The following KCNC4 variants were observed in gnomAD, a reference collection of about 807,000 sequenced individuals.
The protein encoded by KCNC4 is potassium voltage-gated channel subfamily C member 4.
KCNC4 carries 23 observed loss-of-function variants against 42.8 expected under a neutral mutation model. That is an observed-to-expected ratio of 0.54 (90% confidence interval 0.39 to 0.76). KCNC4 has a LOEUF of 0.76. Ranked by LOEUF, KCNC4 falls within the 30% of genes least tolerant of loss-of-function variation. KCNC4 has a pLI of 0.00. For missense variants in KCNC4, 751 were observed against 898.2 expected (o/e 0.84, Z 2.10); for synonymous variants, 422 against 393.5 (o/e 1.07, Z -0.86).
intron 3 of KCNC4, among the ~76,000 whole-genome samples, chr1:110,227,779 G>A (rs1658478775): frequency 6.6e-6 from 1 of 152,210 alleles, no homozygotes; most frequent in African/African-American, 2.4e-5. Context: ...GGGCTCAGTG[G>A]AAATAGGTGT....
rs754102152 is a variant in KCNC4, at chr1:110,212,069, C to T, written c.570C>T (p.Gly190=). The T allele has an allele frequency of 1.9e-6, 3 of 1,546,820 alleles. No individual in the cohort carries two copies. Among genetic ancestry groups the T allele is most frequent in the African/African-American group, 2.8e-5 (2 of 71,454 alleles). ...DERELALQRL[G]PHEGGAGHGA... is the part of the protein sequence containing the mutation. ...GGGAGCTGGCCCTGCAGCGACTGGG[C>T]CCCCACGAGGGAGGCGCGGGCCATG... Residue 190 remains glycine (G), a synonymous_variant, in exon 1 of 4, where the codon GGC becomes GGT. Transcript: ENST00000438661.
intron 1 of KCNC4, among the ~76,000 whole-genome samples, chr1:110,213,747 T>C (rs924726506): frequency 4.6e-5 from 7 of 152,194 alleles, no homozygotes; most frequent in Non-Finnish European, 7.3e-5. Flanking sequence ...TGCTGTGAGT[T>C]CTACAGACTT....
At chr1:110,235,380 G>C (rs1163412849), downstream of KCNC4, 3 of 152,240 alleles carry the variant, frequency 2.0e-5, no homozygotes, top group Admixed American at 2.0e-4. Context: ...CCTTGGAAAA[G>C]CTTGGCCAGG....
At position 110,223,787 on chromosome 1, in the gene KCNC4, A is replaced by C; in HGVS notation, c.1502A>C (p.Gln501Pro). Residue 501 changes from glutamine to proline, a missense_variant, in exon 2 of 4, where the codon CAG (glutamine) becomes CCG (proline). Gln to Pro is a moderately conservative substitution (Grantham distance 76, BLOSUM62 -1). Coordinates refer to ENST00000438661, the MANE Select transcript of KCNC4 (RefSeq NM_001039574.3). This position sits in a 1 kb window ranked among gnomAD's most constrained non-coding sequence, Gnocchi z 7.5. ...KRKKHVPRPA[Q>P]LESPMYCKSE... ...AAGAAGCACGTGCCACGGCCGGCGCAGCTGGAGTCACCCATGTACTGCAAG... is the reference window on the plus strand; with the variant it reads ...AAGAAGCACGTGCCACGGCCGGCGCCGCTGGAGTCACCCATGTACTGCAAG... 6.2e-7 allele frequency: 1 copy of C among 1,614,172 alleles called. No individual in the cohort carries two copies. The highest frequency in any genetic ancestry group is 1.1e-5 in the South Asian group (1 of 91,086).
chr1:110,217,148 A>G (rs1409378291), intron 1 of KCNC4, among the ~76,000 whole-genome samples: 2 of 152,192 alleles, frequency 1.3e-5, no homozygotes, highest in African/African-American at 4.8e-5. Flanking sequence ...AGTCAAGGGA[A>G]ATTAGGTGAC....
In KCNC4 at chr1:110,234,025, C is replaced by T. The variant is rs985536586; in HGVS notation, c.*1053C>T. The T allele has an allele frequency of 1.3e-5, 2 of 152,312 alleles. No individual in the cohort carries two copies. The highest frequency in any genetic ancestry group is 6.5e-5 in the Admixed American group (1 of 15,282). 9.4% of individuals were successfully genotyped at this position (152,312 alleles called of 1,614,324 possible). A position where few individuals can be genotyped will look rare whatever the true frequency, so the allele number is the denominator to read the frequency against. On this transcript the variant is annotated 3_prime_UTR_variant, in exon 4 of 4. Transcript: ENST00000438661. ...CCCCAATAAAGACATCTGGAGCATC[C>T]TGCTGCTCCTGCTGTGTGAGCACCT...
At chr1:110,216,078 C>A (rs1211247202) in intron 1 of KCNC4, among the ~76,000 whole-genome samples, 1 of 152,224 alleles carries the variant, frequency 6.6e-6, no homozygotes, top group Admixed American at 6.5e-5. Context: ...GGAGAAAAGA[C>A]TAAGGGAAGC....
chr1:110,251,832 G>T (rs1394663276), downstream of KCNC4, among the ~76,000 whole-genome samples: 1 of 152,250 alleles, frequency 6.6e-6, no homozygotes, highest in Admixed American at 6.5e-5. Flanking sequence ...TAAGGCCCTT[G>T]TTGGCCACTC....
chr1:110,211,640 T>C lies in KCNC4; in HGVS notation c.141T>C (p.His47=). The C allele has an allele frequency of 1.2e-6, 2 of 1,613,786 alleles. No individual in the cohort carries two copies. The highest frequency in any genetic ancestry group is 8.5e-7 in the Non-Finnish European group (1 of 1,179,922). Residue 47 remains histidine, a synonymous_variant, in exon 1 of 4, where the codon CAT becomes CAC. Transcript: ENST00000438661. This position sits in a 1 kb window ranked among gnomAD's most constrained non-coding sequence, Gnocchi z 6.5. ...KIIINVGGTR[H]ETYRSTLRTL... is the part of the protein sequence containing the mutation. Reference sequence around the variant, plus strand: ...TCATCAACGTGGGCGGCACGCGACATGAGACCTACCGCAGCACCCTGCGCA... The same window carrying C: ...TCATCAACGTGGGCGGCACGCGACACGAGACCTACCGCAGCACCCTGCGCA...
chr1:110,258,022 T>A (rs1659366536), intron 1 of KCNC4, among the ~76,000 whole-genome samples: 1 of 152,204 alleles, frequency 6.6e-6, no homozygotes, highest in Non-Finnish European at 1.5e-5. Context: ...CCTTTCGCAC[T>A]TGCCAGTAAG....
chr1:110,271,662 C>G (rs1000551322), intron 1 of KCNC4, among the ~76,000 whole-genome samples: 1 of 151,766 alleles, frequency 6.6e-6, no homozygotes, highest in Non-Finnish European at 1.5e-5. Flanking sequence ...GCCATTCCAA[C>G]AAAAAGTGGG....
At chr1:110,236,658 G>C (rs1658914440), downstream of KCNC4, 1 of 152,130 alleles carries the variant, frequency 6.6e-6, no homozygotes, top group South Asian at 2.1e-4. Flanking sequence ...GTGACTGCTT[G>C]GTTCCTTCCC....
At chr1:110,239,012 TG>T (rs1402655891), downstream of KCNC4, 1 of 152,234 alleles carries the variant, frequency 6.6e-6, no homozygotes, top group African/African-American at 2.4e-5. Flanking sequence ...CAGGTCTCCC[TG>T]GGTCCCATCT....
intron 1 of KCNC4, among the ~76,000 whole-genome samples, chr1:110,212,748 A>G (rs1027678092): frequency 6.6e-6 from 1 of 152,200 alleles, no homozygotes; most frequent in African/African-American, 2.4e-5. Context: ...TGAGACCACA[A>G]TCCGGCCTCC....
intron 1 of KCNC4, among the ~76,000 whole-genome samples, chr1:110,215,509 C>G (rs1372841618): frequency 6.6e-6 from 1 of 152,224 alleles, no homozygotes; most frequent in Non-Finnish European, 1.5e-5. Context: ...TCCAAGGTCT[C>G]CAGGGCAGGG....
Position 110,232,127 on chromosome 1 carries a change from A to T in KCNC4, c.1820-784A>T, listed in dbSNP as rs183860038. On this transcript the variant is annotated intron_variant, in intron 3 of 3. Transcript: ENST00000438661. The stretch of plus-strand genomic sequence containing the variant: ...GGGGAAGGAAAGGCCCAGGTGGTAG[A>T]CATCCCAGGCTGAGGGTGGGATCCC... The T allele has an allele frequency of 6.0e-5, 73 of 1,218,736 alleles. 1 individual carries two copies. The East Asian group carries it at 1.8e-3, about 30-fold the overall frequency. The allele number at this position is 1,218,736 out of a possible 1,614,324, so 75.5% of individuals were successfully genotyped here. A position where few individuals can be genotyped will look rare whatever the true frequency, so the allele number is the denominator to read the frequency against.
At chr1:110,254,984 A>G (rs1039364667) in intron 1 of KCNC4, among the ~76,000 whole-genome samples, 1 of 152,236 alleles carries the variant, frequency 6.6e-6, no homozygotes, top group Non-Finnish European at 1.5e-5. Flanking sequence ...AAGTAAAATA[A>G]TCTTCAAGTT....
chr1:110,251,472 A>T (rs1041247418), downstream of KCNC4, among the ~76,000 whole-genome samples: 1 of 152,172 alleles, frequency 6.6e-6, no homozygotes, highest in Non-Finnish European at 1.5e-5. Context: ...ACCTTTTGCC[A>T]TGATTGTGAG....
At chr1:110,274,077 A>G (rs561784209) in intron 1 of KCNC4, among the ~76,000 whole-genome samples, 1 of 152,364 alleles carries the variant, frequency 6.6e-6, no homozygotes, top group East Asian at 1.9e-4. Context: ...ATATGATCTT[A>G]TATCTAGAAA....
Sources: gnomAD v4.1 joint callset for allele counts (sites outside exome capture counted in the v4.1 genomes callset) on GRCh38, gnomAD v4.1.1 for gene constraint, Gnocchi (gnomAD v3.1) non-coding constraint, MANE v1.5 for transcripts, NCBI Gene and HGNC (gene_info 2026-07-23, HGNC 2026-07-21) for gene names.